KLHL12: variants seen among roughly 807,000 people sequenced by gnomAD.
The protein encoded by KLHL12 is kelch-like protein 12.
A neutral mutation model predicts 60.8 loss-of-function variants in KLHL12; 17 were observed. That is an observed-to-expected ratio of 0.28 (90% confidence interval 0.19 to 0.42). KLHL12 has a LOEUF of 0.42. Ranked by LOEUF, KLHL12 falls within the 10% of genes least tolerant of loss-of-function variation. KLHL12 has a pLI of 1.00. For synonymous variants in KLHL12, 220 were observed against 250.9 expected (o/e 0.88, Z 1.16); for missense variants, 468 against 722.3 (o/e 0.65, Z 4.04).
Position 202,895,844 on chromosome 1 carries a change from T to A in KLHL12, c.940-127A>T. On this transcript the variant is annotated intron_variant, in intron 7 of 11. Coordinates refer to ENST00000367261, the MANE Select transcript of KLHL12 (RefSeq NM_021633.4). This position sits in a 1 kb window ranked among gnomAD's most constrained non-coding sequence, Gnocchi z 4.2. Reference sequence around the variant, plus strand: ...CTTCACCTGTCATCATGAACCCTCCTTAAGTGGTTCATCCTCAAGTGGCTC... The same window carrying A: ...CTTCACCTGTCATCATGAACCCTCCATAAGTGGTTCATCCTCAAGTGGCTC... 1 of 692,308 alleles carries A rather than the reference T, an allele frequency of 1.4e-6. No individual in the cohort carries two copies. Among genetic ancestry groups the A allele is most frequent in the Non-Finnish European group, 2.5e-6 (1 of 408,132 alleles). 42.9% of individuals were successfully genotyped at this position (692,308 alleles called of 1,614,324 possible).
chr1:202,902,234 A>G (rs1660027499), intron 6 of KLHL12, among the ~76,000 whole-genome samples: 1 of 152,130 alleles, frequency 6.6e-6, no homozygotes, highest in Non-Finnish European at 1.5e-5. Flanking sequence ...GTTCGAGACC[A>G]GCCTGGCCAA....
chr1:202,926,867 G>A (rs1200431413), intron 1 of KLHL12, among the ~76,000 whole-genome samples: 1 of 152,200 alleles, frequency 6.6e-6, no homozygotes, highest in East Asian at 1.9e-4. Flanking sequence ...CAGGCATATG[G>A]CCGCCACCGC....
At chr1:202,904,746 G>A (rs980023146) in intron 6 of KLHL12, among the ~76,000 whole-genome samples, 6 of 152,162 alleles carry the variant, frequency 3.9e-5, no homozygotes, top group Non-Finnish European at 7.3e-5. Flanking sequence ...GCTGTGACAC[G>A]TTGTTAGAGA....
At position 202,895,817 on chromosome 1, in the gene KLHL12, T is replaced by TAAG; in HGVS notation, c.940-101_940-100insCTT. ...CTGTTGTATCTGCACACCTCTCTGC[T>TAAG]TCTTCACCTGTCATCATGAACCCTC... On this transcript the variant is annotated intron_variant, in intron 7 of 11. Coordinates refer to ENST00000367261, the MANE Select transcript of KLHL12 (RefSeq NM_021633.4). This position sits in a 1 kb window ranked among gnomAD's most constrained non-coding sequence, Gnocchi z 4.2. 1 of 835,848 alleles carries TAAG rather than the reference T, an allele frequency of 1.2e-6. No individual in the cohort carries two copies. 51.8% of individuals were successfully genotyped at this position (835,848 alleles called of 1,614,324 possible). A position where few individuals can be genotyped will look rare whatever the true frequency, so the allele number is the denominator to read the frequency against.
At chr1:202,898,682 C>T (rs1340414332) in intron 6 of KLHL12, among the ~76,000 whole-genome samples, 1 of 152,028 alleles carries the variant, frequency 6.6e-6, no homozygotes, top group African/African-American at 2.4e-5. Context: ...GGAAATTCTA[C>T]AGGTCGAACA....
At chr1:202,897,026 G>C in intron 6 of KLHL12, 66 bp from the exon 7 acceptor site, 1 of 1,191,724 alleles carries the variant, frequency 8.4e-7, no homozygotes. Context: ...TAGTCACAGG[G>C]AAGTGTCAAC....
In KLHL12 at chr1:202,912,829, C is replaced by T. The variant is rs1571533611; in HGVS notation, c.568-1626G>A. The T allele has an allele frequency of 8.3e-6, 6 of 726,668 alleles. No individual in the cohort carries two copies. The East Asian group carries it at 1.6e-4, about 19-fold the overall frequency. 45.0% of individuals were successfully genotyped at this position (726,668 alleles called of 1,614,324 possible). ...TGAACTCAGCCAAGCACAGTGGTGGCAGGGCCTAACTGCTACAAAGGAGAC... is the reference window on the plus strand; with the variant it reads ...TGAACTCAGCCAAGCACAGTGGTGGTAGGGCCTAACTGCTACAAAGGAGAC... On this transcript the variant is annotated intron_variant, in intron 4 of 11. Transcript: ENST00000367261.
intron 9 of KLHL12, 59 bp from the exon 10 acceptor site, chr1:202,894,341 G>T: frequency 2.5e-6 from 3 of 1,194,418 alleles, no homozygotes; most frequent in South Asian, 1.3e-5. Context: ...TTCCTGGTCG[G>T]TTTTTTTCTG....
In KLHL12 at chr1:202,925,218, G is replaced by GAA; in HGVS notation, c.-45-13_-45-12dup. On this transcript the variant is annotated splice_polypyrimidine_tract_variant and intron_variant, in intron 1 of 11. Coordinates refer to ENST00000367261, the MANE Select transcript of KLHL12 (RefSeq NM_021633.4). The stretch of plus-strand genomic sequence containing the variant: ...CCTTGGATTCTGCAACTACAAGAGG[G>GAA]AAAAAAAAACAATGAGCATATTCAA... 1.3e-6 allele frequency: 2 copies of GAA among 1,553,726 alleles called. No individual in the cohort carries two copies. Among genetic ancestry groups the GAA allele is most frequent in the Non-Finnish European group, 1.7e-6 (2 of 1,148,870 alleles).
At chr1:202,926,555 AG>A (rs1653567295) in intron 1 of KLHL12, among the ~76,000 whole-genome samples, 1 of 152,204 alleles carries the variant, frequency 6.6e-6, no homozygotes, top group Non-Finnish European at 1.5e-5. Flanking sequence ...GGGTGTAAAA[AG>A]GTCTAGAACA....
chr1:202,919,997 T>A, intron 2 of KLHL12, 89 bp from the exon 3 acceptor site: 1 of 1,141,706 alleles, frequency 8.8e-7, no homozygotes. Context: ...GAGATGTTAA[T>A]AATATTAATT....
At chr1:202,927,286 T>TCC (rs3841739), upstream of KLHL12, 11 of 983,498 alleles carry the variant, frequency 1.1e-5, no homozygotes, top group East Asian at 1.1e-4. Flanking sequence ...AGCACCGCCC[T>TCC]CCCCCCGCTC....
chr1:202,926,865 T>C (rs1653588460), intron 1 of KLHL12, among the ~76,000 whole-genome samples: 2 of 152,102 alleles, frequency 1.3e-5, no homozygotes. Flanking sequence ...ACCAGGCATA[T>C]GGCCGCCACC....
At chr1:202,900,083 G>A (rs1571518765) in intron 6 of KLHL12, among the ~76,000 whole-genome samples, 1 of 152,094 alleles carries the variant, frequency 6.6e-6, no homozygotes, top group Non-Finnish European at 1.5e-5. Context: ...CCATGTAGAT[G>A]AATATGCCAG....
At chr1:202,923,233 C>T (rs1182776278) in intron 2 of KLHL12, among the ~76,000 whole-genome samples, 1 of 152,156 alleles carries the variant, frequency 6.6e-6, no homozygotes, top group Non-Finnish European at 1.5e-5. Flanking sequence ...TATTTTCAAG[C>T]TGACAAAAAA....
chr1:202,920,661 C>A (rs1406162702), intron 2 of KLHL12, among the ~76,000 whole-genome samples: 2 of 152,038 alleles, frequency 1.3e-5, no homozygotes, highest in Non-Finnish European at 2.9e-5. Flanking sequence ...CAGGCGTGAG[C>A]CACCGCGCCC....
chr1:202,910,441 G>C lies in KLHL12; in HGVS notation c.717+613C>G, dbSNP rs1426361688. ...AATGTGAACAACTGAAAAACTGTTT[G>C]TAGTTAACTAAGAGATCTAGGGCTG... is the stretch of plus-strand genomic sequence containing the variant. On this transcript the variant is annotated intron_variant, in intron 5 of 11. Transcript: ENST00000367261. 2.0e-5 allele frequency among the ~76,000 whole-genome samples: 3 copies of C among 152,186 alleles called. No homozygotes were observed. The East Asian group carries it at 5.8e-4, about 29-fold the overall frequency.
intron 6 of KLHL12, among the ~76,000 whole-genome samples, chr1:202,904,579 G>GGAGT (rs1161678552): frequency 1.3e-5 from 2 of 152,158 alleles, no homozygotes; most frequent in Non-Finnish European, 2.9e-5. Context: ...TGCCAATGAT[G>GGAGT]GAGTACTTGT....
At chr1:202,910,983 A>G in intron 5 of KLHL12, 71 bp downstream of exon 5, 1 of 1,538,792 alleles carries the variant, frequency 6.5e-7, no homozygotes, top group Non-Finnish European at 8.9e-7. Flanking sequence ...TAAAATACTC[A>G]ATTTTGAATA....
Sources: gnomAD v4.1 joint callset for allele counts (sites outside exome capture counted in the v4.1 genomes callset) on GRCh38, gnomAD v4.1.1 for gene constraint, Gnocchi (gnomAD v3.1) non-coding constraint, MANE v1.5 for transcripts, NCBI Gene and HGNC (gene_info 2026-07-23, HGNC 2026-07-21) for gene names.